PPP2R2B: variants seen among roughly 807,000 people sequenced by gnomAD.
PPP2R2B encodes the protein serine/threonine-protein phosphatase 2A 55 kDa regulatory subunit B beta isoform.
A neutral mutation model predicts 46.0 loss-of-function variants in PPP2R2B; 5 were observed. That is an observed-to-expected ratio of 0.11 (90% confidence interval 0.06 to 0.23). The LOEUF (loss-of-function observed/expected upper bound fraction) is 0.23. Ranked by LOEUF, PPP2R2B falls within the 10% of genes least tolerant of loss-of-function variation. PPP2R2B has a pLI of 1.00. For missense variants in PPP2R2B, 367 were observed against 575.0 expected, an observed-to-expected ratio of 0.64 and a Z score of 3.70; for synonymous variants, 215 against 206.7, an observed-to-expected ratio of 1.04 and a Z score of -0.34.
intron 2 of PPP2R2B, chr5:146,856,354 G>T: frequency 3.3e-6 from 2 of 612,480 alleles, no homozygotes; most frequent in African/African-American, 1.8e-5. Flanking sequence ...GTGTCCTACG[G>T]AACAAATTTT....
At chr5:146,966,959 C>A (rs1256803636) in intron 1 of PPP2R2B, among the ~76,000 whole-genome samples, 1 of 152,152 alleles carries the variant, frequency 6.6e-6, no homozygotes, top group Non-Finnish European at 1.5e-5. Flanking sequence ...CATGGTTCCC[C>A]TTTGCTCAGT....
At chr5:147,009,573 T>A (rs1421821781) in intron 1 of PPP2R2B, among the ~76,000 whole-genome samples, 2 of 152,140 alleles carry the variant, frequency 1.3e-5, no homozygotes, top group Non-Finnish European at 2.9e-5. Flanking sequence ...GGCAGAGGTA[T>A]CTACATCCTA....
chr5:146,634,271 T>C (rs925640323), intron 7 of PPP2R2B, among the ~76,000 whole-genome samples: 5 of 152,126 alleles, frequency 3.3e-5, no homozygotes, highest in African/African-American at 4.8e-5. Flanking sequence ...ATTGTATTTT[T>C]CCCCCCTTGC....
At chr5:147,005,560 G>T (rs530680161) in intron 1 of PPP2R2B, among the ~76,000 whole-genome samples, 2 of 152,172 alleles carry the variant, frequency 1.3e-5, no homozygotes, top group African/African-American at 4.8e-5. Flanking sequence ...AACCCAAGGA[G>T]GTGGCAGTCT....
chr5:146,830,564 G>T (rs576696190), intron 2 of PPP2R2B, among the ~76,000 whole-genome samples: 3 of 148,710 alleles, frequency 2.0e-5, no homozygotes, highest in Admixed American at 1.4e-4. Context: ...TCACTCTGTC[G>T]CCCAGGCTGG....
At chr5:146,640,985 G>T (rs1348953990) in intron 6 of PPP2R2B, among the ~76,000 whole-genome samples, 1 of 152,108 alleles carries the variant, frequency 6.6e-6, no homozygotes, top group Non-Finnish European at 1.5e-5. Flanking sequence ...TTTTTGAGTA[G>T]AGGGCTTGTT....
intron 5 of PPP2R2B, among the ~76,000 whole-genome samples, chr5:146,686,878 A>G (rs1024158298): frequency 2.6e-5 from 4 of 152,160 alleles, no homozygotes; most frequent in Non-Finnish European, 5.9e-5. Context: ...AAAGAGCTCT[A>G]AGGGTCTGTT....
chr5:146,798,448 A>T (rs1756672359), intron 2 of PPP2R2B, among the ~76,000 whole-genome samples: 1 of 152,184 alleles, frequency 6.6e-6, no homozygotes, highest in Non-Finnish European at 1.5e-5. Context: ...ACCCATTGAT[A>T]GGCATATGCA....
intron 2 of PPP2R2B, among the ~76,000 whole-genome samples, chr5:146,802,317 T>C (rs1234301614): frequency 2.0e-5 from 3 of 152,204 alleles, no homozygotes; most frequent in East Asian, 1.9e-4. Context: ...TCCAAATTTG[T>C]TGGATAATTA....
intron 1 of PPP2R2B, among the ~76,000 whole-genome samples, chr5:147,041,718 A>T (rs879264285): frequency 1.3e-5 from 2 of 152,086 alleles, no homozygotes; most frequent in Admixed American, 6.6e-5. Context: ...AAGTCCCCAG[A>T]TCTTCATTTT....
At chr5:146,982,996 TTTAA>T (rs1167932258) in intron 1 of PPP2R2B, among the ~76,000 whole-genome samples, 12 of 152,094 alleles carry the variant, frequency 7.9e-5, no homozygotes, top group Non-Finnish European at 1.5e-5. Context: ...ATTTCTGTCC[TTTAA>T]TTGGTGTATG....
chr5:146,590,268 CTT>C (rs1273092154), intron 9 of PPP2R2B, 42 bp from the exon 10 acceptor site: 4 of 1,479,214 alleles, frequency 2.7e-6, no homozygotes, highest in Middle Eastern at 1.9e-4. Context: ...TCTTCACTGT[CTT>C]TTCTTTTTGG....
In PPP2R2B at chr5:146,698,339, TATATATATATATAC is replaced by T. The variant is rs1405652263; in HGVS notation, c.169-209_169-196del. Among the ~76,000 whole-genome samples the T allele has an allele frequency of 2.9e-3, 378 of 128,790 alleles. 2 individuals are homozygous for T. Among genetic ancestry groups the T allele is most frequent in the African/African-American group, 0.011 (342 of 32,300 alleles). 84.5% of individuals were successfully genotyped at this position (128,790 alleles called of 152,430 possible). On this transcript the variant is annotated intron_variant, in intron 3 of 9. Coordinates refer to ENST00000394411, the MANE Select transcript of PPP2R2B (RefSeq NM_181675.4). Reference sequence around the variant, plus strand: ...AAAAATATATATATATATATATATATATATATATATATACACACACATATAATTATACACATGAA... The same window carrying T: ...AAAAATATATATATATATATATATATACACACATATAATTATACACATGAA...
intron 7 of PPP2R2B, among the ~76,000 whole-genome samples, chr5:146,609,056 C>T (rs1772583405): frequency 6.6e-6 from 1 of 152,074 alleles, no homozygotes; most frequent in African/African-American, 2.4e-5. Context: ...TTCAACAATA[C>T]ATTAAAAAGA....
intron 1 of PPP2R2B, among the ~76,000 whole-genome samples, chr5:147,024,083 G>A (rs2151886984): frequency 6.6e-6 from 1 of 152,130 alleles, no homozygotes; most frequent in South Asian, 2.1e-4. Flanking sequence ...TCTCCAAATT[G>A]CAGATAGCAT....
intron 1 of PPP2R2B, among the ~76,000 whole-genome samples, chr5:146,934,879 T>C (rs1764090957): frequency 1.3e-5 from 2 of 152,078 alleles, no homozygotes; most frequent in African/African-American, 4.8e-5. Context: ...AGGGGTAATC[T>C]GAATGTAGAA....
At chr5:146,904,995 T>C (rs1762951866) in intron 1 of PPP2R2B, among the ~76,000 whole-genome samples, 2 of 152,166 alleles carry the variant, frequency 1.3e-5, no homozygotes, top group Non-Finnish European at 2.9e-5. Flanking sequence ...GGGCAAAATA[T>C]CTGAACAGAA....
At chr5:146,941,210 C>T (rs1421562071) in intron 1 of PPP2R2B, among the ~76,000 whole-genome samples, 1 of 152,176 alleles carries the variant, frequency 6.6e-6, no homozygotes, top group Non-Finnish European at 1.5e-5. Context: ...CCTCCTCCCA[C>T]CCTTTCTTCT....
intron 1 of PPP2R2B, among the ~76,000 whole-genome samples, chr5:146,909,850 A>G (rs1763120009): frequency 6.6e-6 from 1 of 152,120 alleles, no homozygotes; most frequent in African/African-American, 2.4e-5. Context: ...TGCTGATAAC[A>G]GATTACATTT....
Sources: allele counts gnomAD v4.1 joint callset (sites outside exome capture counted in the v4.1 genomes callset), GRCh38; gene constraint gnomAD v4.1.1; transcripts MANE v1.5; gene names NCBI Gene and HGNC (gene_info 2026-07-23, HGNC 2026-07-21).